Variants in SBF2 observed in about 807,000 individuals in gnomAD.
SBF2 encodes myotubularin-related protein 13.
In SBF2, 112 loss-of-function variants were observed where a neutral mutation model predicts 225.2. That is an observed-to-expected ratio of 0.50 (90% confidence interval 0.43 to 0.58). The LOEUF (loss-of-function observed/expected upper bound fraction) is 0.58, where lower values mean the gene tolerates loss of function less well. Among genes scored for constraint, SBF2 ranks in the 20% least tolerant of loss-of-function variants. The probability of loss-of-function intolerance (pLI) is 0.00; values close to 1 mark genes in which losing one functional copy is unlikely to be tolerated. For synonymous variants in SBF2, 763 were observed against 773.3 expected (o/e 0.99, Z 0.22); for missense variants, 1,996 against 2,206.2 (o/e 0.90, Z 1.91).
At chr11:10,274,342 T>C (rs1474635691) in intron 1 of SBF2, among the ~76,000 whole-genome samples, 1 of 152,216 alleles carries the variant, frequency 6.6e-6, no homozygotes, top group African/African-American at 2.4e-5. Flanking sequence ...TCTGAAGAGA[T>C]ATGTACTACA....
chr11:10,030,592 A>C (rs2134634618), intron 4 of SBF2, among the ~76,000 whole-genome samples: 1 of 152,298 alleles, frequency 6.6e-6, no homozygotes, highest in South Asian at 2.1e-4. Flanking sequence ...TGTGTTTCTA[A>C]AACAAGAAAA....
At chr11:9,820,112 A>C (rs1488505837) in intron 28 of SBF2, among the ~76,000 whole-genome samples, 1 of 152,256 alleles carries the variant, frequency 6.6e-6, no homozygotes, top group Non-Finnish European at 1.5e-5. Context: ...AATTGTGAGC[A>C]GTTTTAGCAC....
At chr11:10,166,990 A>ACACAC (rs1282714502) in intron 2 of SBF2, among the ~76,000 whole-genome samples, 115 of 146,076 alleles carry the variant, frequency 7.9e-4, no homozygotes, top group African/African-American at 2.6e-3. Flanking sequence ...CACACACACA[A>ACACAC]AAAGGCTACT....
Position 10,303,501 on chromosome 11 carries a change from C to A in SBF2, n.386+991G>T. 6.6e-6 allele frequency: 1 copy of A among 152,456 alleles called. No individual in the cohort carries two copies. The highest frequency in any genetic ancestry group is 1.5e-5 in the Non-Finnish European group (1 of 68,120). The allele number at this position is 152,456 out of a possible 1,614,324, so 9.4% of individuals were successfully genotyped here. On this transcript the variant is annotated intron_variant and non_coding_transcript_variant, in intron 1 of 5. Coordinates refer to the SBF2 transcript ENST00000685217. This position sits in a 1 kb window ranked among gnomAD's most constrained non-coding sequence, Gnocchi z 5.2. ...CCAGACAGACCACTCTGGGCAAGGT[C>A]CGCGCGACCCACTGCCCAGCCGCCT...
chr11:9,846,937 T>C lies in SBF2; in HGVS notation c.2934+19A>G. The C allele has an allele frequency of 6.2e-7, 1 of 1,613,476 alleles. No homozygotes were observed. The highest frequency in any genetic ancestry group is 8.5e-7 in the Non-Finnish European group (1 of 1,179,460). On this transcript the variant is annotated intron_variant, in intron 23 of 39. Coordinates refer to ENST00000256190, the MANE Select transcript of SBF2 (RefSeq NM_030962.4). ...TGAAAATTTTTGAATAGTAAAACAA[T>C]GGCTTCCTTTTTTAATACCTGAAAA...
At position 9,993,062 on chromosome 11, in the gene SBF2, T is replaced by C. The variant is rs1440299130; in HGVS notation, c.1095A>G (p.Gln365=). 2 of 1,612,510 alleles carry C rather than the reference T, an allele frequency of 1.2e-6. No homozygotes were observed. The highest frequency in any genetic ancestry group is 1.7e-6 in the Non-Finnish European group (2 of 1,179,684). ...VRAVFLRLFA[Q]LFQGYRSCLQ... is the part of the protein sequence containing the mutation. ...GGCAGGATCTATATCCTTGGAAGAG[T>C]TGTGCAAATAATCTAAGGAAAACGG... Residue 365 remains glutamine (Q), a synonymous_variant, in exon 11 of 40, where the codon CAA becomes CAG. Transcript: ENST00000256190.
chr11:9,977,275 G>C (rs11042578), intron 13 of SBF2, among the ~76,000 whole-genome samples: 30,667 of 151,862 alleles, frequency 0.2, 3,976 homozygotes, highest in Non-Finnish European at 0.3. Context: ...CTTGAGGCTA[G>C]GAGTTCAAGA....
intron 5 of SBF2, among the ~76,000 whole-genome samples, chr11:10,028,796 A>G (rs1949143442): frequency 6.6e-6 from 1 of 152,170 alleles, no homozygotes; most frequent in South Asian, 2.1e-4. Context: ...AAAATCATTG[A>G]TAATCATAAC....
intron 16 of SBF2, among the ~76,000 whole-genome samples, chr11:9,945,369 G>A (rs905790657): frequency 9.9e-5 from 15 of 152,070 alleles, no homozygotes; most frequent in South Asian, 4.1e-4. Flanking sequence ...TTCAATAAAC[G>A]GTGCTAGGAT....
At chr11:10,058,424 G>C (rs1486578268) in intron 2 of SBF2, among the ~76,000 whole-genome samples, 1 of 152,134 alleles carries the variant, frequency 6.6e-6, no homozygotes, top group Non-Finnish European at 1.5e-5. Flanking sequence ...CTCAGAACTT[G>C]AAGACTGGTT....
intron 28 of SBF2, among the ~76,000 whole-genome samples, chr11:9,818,156 G>C (rs1301179683): frequency 6.6e-6 from 1 of 152,008 alleles, no homozygotes; most frequent in African/African-American, 2.4e-5. Context: ...TGTTGATCAG[G>C]CTGGTCTCGA....
At chr11:10,094,528 A>ACTTTTTTTTTTT (rs1951931631) in intron 2 of SBF2, among the ~76,000 whole-genome samples, 1 of 107,300 alleles carries the variant, frequency 9.3e-6, no homozygotes, top group Admixed American at 1.2e-4. Context: ...ATACACACAG[A>ACTTTTTTTTTTT]TTTTTTTTTT....
chr11:9,902,171 G>A (rs1031430220), intron 16 of SBF2, among the ~76,000 whole-genome samples: 3 of 152,130 alleles, frequency 2.0e-5, no homozygotes, highest in African/African-American at 7.2e-5. Context: ...GATTAGCTGG[G>A]AGTCTGACAC....
At position 9,962,002 on chromosome 11, in the gene SBF2, A is replaced by G. The variant is rs1388471263; in HGVS notation, c.1815T>C (p.His605=). 3.7e-6 allele frequency: 6 copies of G among 1,613,918 alleles called. No homozygotes were observed. In the East Asian group the frequency reaches 1.3e-4, roughly 36 times the overall value. The stretch of plus-strand genomic sequence containing the variant: ...TCCTTATTATGTAGTCAAACTGTTG[A>G]TGGTCTAATATTGCCCGGTTTTGCT... The part of the protein sequence containing the change: ...HVQQNRAILD[H]QQFDYIIRMM... Residue 605 remains histidine (H), a synonymous_variant, in exon 16 of 40, where the codon CAT becomes CAC. Coordinates refer to ENST00000256190, the MANE Select transcript of SBF2 (RefSeq NM_030962.4).
intron 19 of SBF2, among the ~76,000 whole-genome samples, chr11:9,854,702 C>CCAGCCT (rs1312633758): frequency 1.3e-5 from 2 of 152,172 alleles, no homozygotes; most frequent in African/African-American, 4.8e-5. Flanking sequence ...CAGTGATTCT[C>CCAGCCT]CAGCCTCAGC....
intron 16 of SBF2, among the ~76,000 whole-genome samples, chr11:9,953,436 C>CA (rs56955039): frequency 0.11 from 16,862 of 148,222 alleles, 1,085 homozygotes; most frequent in East Asian, 0.31. Context: ...GAGTGAGACT[C>CA]AAAAAAAACG....
intron 1 of SBF2, among the ~76,000 whole-genome samples, chr11:10,290,363 T>C (rs1303163016): frequency 6.6e-6 from 1 of 151,076 alleles, no homozygotes; most frequent in East Asian, 2.0e-4. Flanking sequence ...TACAACAGAG[T>C]GAGAAGGATA....
chr11:9,856,672 C>T lies in SBF2; in HGVS notation c.2149G>A (p.Ala717Thr), dbSNP rs756431460. The T allele has an allele frequency of 2.5e-6, 4 of 1,613,976 alleles. No individual in the cohort carries two copies. The African/African-American group carries it at 5.3e-5, about 22-fold the overall frequency. ...HYQEKTAMDL[A>T]AEQLRLWPTL... ...GGCCAAAGGCGTAGTTGCTCAGCTG[C>T]CAGGTCCATTGCTGTCTTCTCCTGA... The change falls in exon 19 of 40, where the codon GCA becomes ACA. Residue 717 changes from alanine (A) to threonine (T), a missense_variant. By Grantham distance (58) the Ala-to-Thr change is moderately conservative. Coordinates refer to ENST00000256190, the MANE Select transcript of SBF2 (RefSeq NM_030962.4).
chr11:10,121,791 T>C (rs1000406012), intron 2 of SBF2, among the ~76,000 whole-genome samples: 4 of 152,300 alleles, frequency 2.6e-5, no homozygotes, highest in East Asian at 1.9e-4. Context: ...AAATAAATAA[T>C]TCATAAGTTT....
Sources: allele counts gnomAD v4.1 joint callset (sites outside exome capture counted in the v4.1 genomes callset), GRCh38; gene constraint gnomAD v4.1.1; non-coding constraint Gnocchi (gnomAD v3.1); transcripts MANE v1.5; gene names NCBI Gene and HGNC (gene_info 2026-07-23, HGNC 2026-07-21).